The following SGCE variants were observed in gnomAD, a reference collection of about 807,000 sequenced individuals.
The protein encoded by SGCE is epsilon-sarcoglycan.
SGCE carries 26 observed loss-of-function variants against 57.8 expected under a neutral mutation model. The ratio of observed to expected loss-of-function variants is 0.45; its 90% CI spans 0.33 to 0.62. The LOEUF (loss-of-function observed/expected upper bound fraction) is 0.62. Among genes scored for constraint, SGCE ranks in the 20% least tolerant of loss-of-function variants. The probability of loss-of-function intolerance (pLI) is 0.02; values close to 1 mark genes in which losing one functional copy is unlikely to be tolerated. For missense variants in SGCE, 468 were observed against 548.6 expected, an observed-to-expected ratio of 0.85 and a Z score of 1.47; for synonymous variants, 183 against 189.5, an observed-to-expected ratio of 0.97 and a Z score of 0.28.
At chr7:94,606,522 A>T (rs1800167295) in intron 5 of SGCE, among the ~76,000 whole-genome samples, 1 of 152,216 alleles carries the variant, frequency 6.6e-6, no homozygotes, top group Admixed American at 6.5e-5. Context: ...TGAATCCACT[A>T]TTATAGCTGG....
intron 3 of SGCE, chr7:94,625,356 C>T (rs928781157): frequency 6.6e-6 from 1 of 151,674 alleles, no homozygotes; most frequent in Non-Finnish European, 1.5e-5. Context: ...ATATGGTAAA[C>T]TTTCTTTTTT....
intron 10 of SGCE, among the ~76,000 whole-genome samples, chr7:94,586,061 G>GGA (rs1333691569): frequency 1.4e-4 from 4 of 28,908 alleles, no homozygotes; most frequent in Non-Finnish European, 2.4e-4. Flanking sequence ...GGAACTAAAT[G>GGA]AAAAAAAAAA....
At chr7:94,651,149 G>C (rs890833535) in intron 1 of SGCE, among the ~76,000 whole-genome samples, 1 of 151,920 alleles carries the variant, frequency 6.6e-6, no homozygotes, top group African/African-American at 2.4e-5. Context: ...CTAAAGAACT[G>C]CCACCATACA....
intron 3 of SGCE, chr7:94,626,944 C>A (rs901859885): frequency 1.3e-5 from 2 of 151,992 alleles, no homozygotes; most frequent in African/African-American, 4.8e-5. Context: ...ACTATCATGA[C>A]AATTATGCTG....
chr7:94,597,215 A>G (rs997490941), intron 9 of SGCE: 1 of 152,082 alleles, frequency 6.6e-6, no homozygotes, highest in Non-Finnish European at 1.5e-5. Flanking sequence ...AACATATGCA[A>G]TTTCACCCAT....
At chr7:94,629,905 C>T (rs1804418906) in intron 1 of SGCE, 64 bp from the exon 2 acceptor site, 2 of 1,589,248 alleles carry the variant, frequency 1.3e-6, no homozygotes, top group East Asian at 4.5e-5. Flanking sequence ...CTTGATAATT[C>T]AGCTTACGCT....
rs1158265768 is a variant in SGCE at position 94,599,730 on chromosome 7, A to G, written c.1038-7T>C. The G allele has an allele frequency of 6.3e-7, 1 of 1,581,972 alleles. No individual in the cohort carries two copies. Among genetic ancestry groups the G allele is most frequent in the African/African-American group, 1.3e-5 (1 of 74,328 alleles). On this transcript the variant is annotated splice_region_variant and splice_polypyrimidine_tract_variant and intron_variant, in intron 7 of 10. Transcript: ENST00000648936. ...TTGCATGTTTCTCTTTTCCCTAGAA[A>G]CAAAACAAAATTTATGAATTAAATA...
chr7:94,634,377 G>T (rs1805235754), intron 1 of SGCE, among the ~76,000 whole-genome samples: 1 of 152,114 alleles, frequency 6.6e-6, no homozygotes, highest in African/African-American at 2.4e-5. Context: ...TACCCGTATG[G>T]ACTGTTTGGT....
chr7:94,644,547 A>T (rs1806804647), intron 1 of SGCE: 2 of 670,436 alleles, frequency 3.0e-6, no homozygotes, highest in Admixed American at 2.6e-5. Context: ...TTCAGACATC[A>T]CTGTCCAAGT....
At chr7:94,594,781 A>C (rs1798162977) in intron 9 of SGCE, among the ~76,000 whole-genome samples, 2 of 152,296 alleles carry the variant, frequency 1.3e-5, no homozygotes, top group Non-Finnish European at 2.9e-5. Context: ...ATTAAAGAAT[A>C]AACACATTAG....
At chr7:94,619,016 C>T in intron 4 of SGCE, 60 bp from the exon 5 acceptor site, 1 of 1,221,184 alleles carries the variant, frequency 8.2e-7, no homozygotes, top group South Asian at 1.2e-5. Context: ...AAAAAGGAAA[C>T]AAAAGAACAA....
rs554973420 is a variant in SGCE, at chr7:94,644,393, C to T, written c.109+11597G>A. Among the ~76,000 whole-genome samples, 10 of 152,292 alleles carry T rather than the reference C, an allele frequency of 6.6e-5. No individual in the cohort carries two copies. In the South Asian group the frequency reaches 1.2e-3, roughly 19 times the overall value. On this transcript the variant is annotated intron_variant, in intron 1 of 10. Transcript: ENST00000648936. ...GCAAGCACTCTCTGAAGAGATATTA[C>T]TGTTTCCCAAACCTGAATAATTTGC...
At chr7:94,634,140 G>T (rs1805179295) in intron 1 of SGCE, among the ~76,000 whole-genome samples, 1 of 152,040 alleles carries the variant, frequency 6.6e-6, no homozygotes. Flanking sequence ...TCTTATAGAT[G>T]CTTTATTAAT....
chr7:94,623,400 A>G lies in SGCE; in HGVS notation c.391-3T>C, dbSNP rs17166384. 0.014 allele frequency: 22,735 copies of G among 1,582,944 alleles called. 2,719 individuals carry two copies. The African/African-American group carries it at 0.26, about 18-fold the overall frequency. Reference sequence around the variant, plus strand: ...GTGCGCCTGTTGTAGGCAGTTATCTATTATAAAAGGAAAACCATATTAAAG... The same window carrying G: ...GTGCGCCTGTTGTAGGCAGTTATCTGTTATAAAAGGAAAACCATATTAAAG... On this transcript the variant is annotated splice_region_variant and splice_polypyrimidine_tract_variant and intron_variant, in intron 3 of 10. Transcript: ENST00000648936.
At chr7:94,601,317 G>A (rs1032225969) in intron 6 of SGCE, among the ~76,000 whole-genome samples, 20 of 151,200 alleles carry the variant, frequency 1.3e-4, no homozygotes, top group African/African-American at 4.4e-4. Context: ...AAAAAAAAAA[G>A]AGGGACAATT....
rs780812386 is a variant in SGCE, at chr7:94,586,061, G to GAAAAAAAAA, written c.1298-555_1298-547dup. Among the ~76,000 whole-genome samples the GAAAAAAAAA allele has an allele frequency of 9.2e-3, 266 of 28,906 alleles. 5 individuals carry two copies. The highest frequency in any genetic ancestry group is 0.014 in the East Asian group (11 of 782). 19.0% of individuals were successfully genotyped at this position (28,906 alleles called of 152,430 possible). ...TTTAAAAGAAAACAAGGAACTAAAT[G>GAAAAAAAAA]AAAAAAAAAAAAAAAAAAAAAAAAA... On this transcript the variant is annotated intron_variant, in intron 10 of 10. Transcript: ENST00000648936.
At chr7:94,593,444 T>A (rs1339909721) in intron 9 of SGCE, among the ~76,000 whole-genome samples, 5 of 152,018 alleles carry the variant, frequency 3.3e-5, no homozygotes, top group African/African-American at 1.2e-4. Context: ...AAAAGAGTAG[T>A]GAAGAGGCAG....
chr7:94,614,287 A>G (rs1801551917), intron 5 of SGCE, among the ~76,000 whole-genome samples: 2 of 152,188 alleles, frequency 1.3e-5, no homozygotes, highest in Admixed American at 6.5e-5. Context: ...AATGGATGCT[A>G]TTGGGTCCCC....
intron 1 of SGCE, among the ~76,000 whole-genome samples, chr7:94,653,510 T>A (rs1808170545): frequency 6.6e-6 from 1 of 152,062 alleles, no homozygotes; most frequent in Non-Finnish European, 1.5e-5. Context: ...ATATTAAATA[T>A]CCAAAATATG....
Sources: allele counts gnomAD v4.1 joint callset (sites outside exome capture counted in the v4.1 genomes callset), GRCh38; gene constraint gnomAD v4.1.1; transcripts MANE v1.5; gene names NCBI Gene and HGNC (gene_info 2026-07-23, HGNC 2026-07-21).